FBN2: variants seen among roughly 807,000 people sequenced by gnomAD.
FBN2 encodes the protein fibrillin 2, also known as fibrillin-2.
FBN2 carries 105 observed loss-of-function variants against 355.6 expected under a neutral mutation model. The observed-to-expected ratio is 0.30, with a 90% CI of 0.25 to 0.35. The LOEUF (loss-of-function observed/expected upper bound fraction) is 0.35, where lower values mean the gene tolerates loss of function less well. Among genes scored for constraint, FBN2 ranks in the 10% least tolerant of loss-of-function variants. FBN2 has a pLI of 1.00. For missense variants in FBN2, 3,280 were observed against 3,758.7 expected (o/e 0.87, Z 3.33); for synonymous variants, 1,350 against 1,301.2 (o/e 1.04, Z -0.81).
intron 7 of FBN2, among the ~76,000 whole-genome samples, chr5:128,418,124 AAT>A (rs1753253771): frequency 6.6e-6 from 1 of 152,048 alleles, no homozygotes; most frequent in African/African-American, 2.4e-5. Context: ...ACCTGATTAT[AAT>A]AGTCTTTAAT....
rs564549485 is a variant in FBN2 at position 128,270,709 on chromosome 5, T to C, written c.7960+1290A>G. Among the ~76,000 whole-genome samples, 140 of 152,258 alleles carry C rather than the reference T, an allele frequency of 9.2e-4. 1 individual carries two copies. The highest frequency in any genetic ancestry group is 8.3e-4 in the South Asian group (4 of 4,826). ...CAAAAGAAACTATCATCAGAGTGAA[T>C]AGGCAACCTACAGAATGTTTTACAT... On this transcript the variant is annotated intron_variant, in intron 62 of 64. Coordinates refer to ENST00000262464, the MANE Select transcript of FBN2 (RefSeq NM_001999.4).
chr5:128,284,544 G>A (rs1749083702), intron 55 of FBN2, among the ~76,000 whole-genome samples: 1 of 152,210 alleles, frequency 6.6e-6, no homozygotes. Context: ...GCTACTGGCT[G>A]AAAAATAGTG....
chr5:128,362,613 C>A (rs1304760478), intron 18 of FBN2, among the ~76,000 whole-genome samples: 1 of 152,188 alleles, frequency 6.6e-6, no homozygotes, highest in African/African-American at 2.4e-5. Flanking sequence ...CAGGCATGTG[C>A]CACCACGCCT....
intron 5 of FBN2, among the ~76,000 whole-genome samples, chr5:128,484,717 AC>A (rs1400265821): frequency 6.6e-6 from 1 of 152,182 alleles, no homozygotes; most frequent in Non-Finnish European, 1.5e-5. Context: ...GACTATTTTT[AC>A]CCTCTGTTCA....
intron 23 of FBN2, among the ~76,000 whole-genome samples, chr5:128,346,206 G>A (rs1407359223): frequency 2.6e-5 from 4 of 152,104 alleles, no homozygotes; most frequent in Non-Finnish European, 4.4e-5. Context: ...TCAGTGCTTA[G>A]CCTGTGCTAG....
chr5:128,261,688 C>T, intron 64 of FBN2, 48 bp downstream of exon 64: 1 of 1,583,282 alleles, frequency 6.3e-7, no homozygotes. Context: ...GTATACATGA[C>T]TCCGTAGGGA....
At chr5:128,324,384 TTGA>T (rs1379049858) in intron 34 of FBN2, among the ~76,000 whole-genome samples, 1 of 152,234 alleles carries the variant, frequency 6.6e-6, no homozygotes, top group Non-Finnish European at 1.5e-5. Context: ...TGTTAGCGTG[TTGA>T]TTTTAGATCT....
At chr5:128,493,074 T>C (rs1755555212) in intron 5 of FBN2, among the ~76,000 whole-genome samples, 1 of 152,056 alleles carries the variant, frequency 6.6e-6, no homozygotes, top group South Asian at 2.1e-4. Context: ...CAAAGGCAAA[T>C]AAAACATGAC....
Position 128,395,108 on chromosome 5 carries a change from A to G in FBN2, c.1231+14T>C, listed in dbSNP as rs374431552. On this transcript the variant is annotated intron_variant, in intron 9 of 64. Transcript: ENST00000262464. Reference sequence around the variant, plus strand: ...CAGTGTCTGTGCTGAGGAGACTAACAGCCAGCCACGTACCAGAACCTCTGA... The same window carrying G: ...CAGTGTCTGTGCTGAGGAGACTAACGGCCAGCCACGTACCAGAACCTCTGA... 2.5e-6 allele frequency: 4 copies of G among 1,613,866 alleles called. No individual in the cohort carries two copies. In the African/African-American group the frequency reaches 5.3e-5, roughly 22 times the overall value.
At chr5:128,419,760 T>A (rs947068040) in intron 7 of FBN2, among the ~76,000 whole-genome samples, 1 of 152,190 alleles carries the variant, frequency 6.6e-6, no homozygotes, top group Non-Finnish European at 1.5e-5. Flanking sequence ...TGGCATGATC[T>A]CGGCTCACCA....
chr5:128,451,689 T>C (rs189562841), intron 6 of FBN2, among the ~76,000 whole-genome samples: 24 of 152,292 alleles, frequency 1.6e-4, no homozygotes, highest in African/African-American at 5.5e-4. Flanking sequence ...CATGAGCCAC[T>C]GCGCACAGCC....
At position 128,318,148 on chromosome 5, in the gene FBN2, C is replaced by A; in HGVS notation, c.4717+1G>T. On this transcript the variant is annotated splice_donor_variant, in intron 36 of 64. Transcript: ENST00000262464. LOFTEE classifies it high-confidence loss of function. The stretch of plus-strand genomic sequence containing the variant: ...TGTTTGTTTCATATAGCTTTACTTA[C>A]CAACACAACCCACACCAGTTGGGTT... The A allele has an allele frequency of 6.2e-7, 1 of 1,613,992 alleles. No individual in the cohort carries two copies. Among genetic ancestry groups the A allele is most frequent in the Non-Finnish European group, 8.5e-7 (1 of 1,179,890 alleles).
chr5:128,343,593 T>A (rs1751088539), intron 25 of FBN2, among the ~76,000 whole-genome samples: 1 of 152,104 alleles, frequency 6.6e-6, no homozygotes, highest in South Asian at 2.1e-4. Flanking sequence ...TGGAACAACA[T>A]GGTATACTAA....
At chr5:128,505,906 G>C (rs1269427355) in intron 5 of FBN2, among the ~76,000 whole-genome samples, 1 of 152,086 alleles carries the variant, frequency 6.6e-6, no homozygotes, top group Non-Finnish European at 1.5e-5. Flanking sequence ...TTTGCAGTTT[G>C]GCACTATTAC....
chr5:128,388,475 A>G (rs1752424371), intron 11 of FBN2, among the ~76,000 whole-genome samples: 1 of 152,206 alleles, frequency 6.6e-6, no homozygotes, highest in Non-Finnish European at 1.5e-5. Flanking sequence ...GTGGCTGGTA[A>G]CAGTCTTTCA....
chr5:128,282,318 T>C (rs1765571768), intron 55 of FBN2, among the ~76,000 whole-genome samples: 1 of 152,130 alleles, frequency 6.6e-6, no homozygotes, highest in Non-Finnish European at 1.5e-5. Flanking sequence ...ACAAAAGTAA[T>C]GAGTTATGAA....
intron 64 of FBN2, 79 bp downstream of exon 64, chr5:128,261,657 G>A (rs1037493472): frequency 4.4e-6 from 6 of 1,368,248 alleles, no homozygotes; most frequent in African/African-American, 1.4e-5. Flanking sequence ...CAGTGAGGCT[G>A]AAAACGACGT....
Position 128,274,628 on chromosome 5 carries a change from G to A in FBN2, c.7650C>T (p.Thr2550=), listed in dbSNP as rs140978642. Reference sequence around the variant, plus strand: ...GACATTTACAGGTAAACCCCCCCAGGGTGTTGACACAGAGGAACTGGCAGT... The same window carrying A: ...GACATTTACAGGTAAACCCCCCCAGAGTGTTGACACAGAGGAACTGGCAGT... The part of the protein sequence containing the change: ...QHNCQFLCVN[T]LGGFTCKCPP... Residue 2550 remains threonine, a synonymous_variant, in exon 60 of 65, where the codon ACC becomes ACT. Coordinates refer to ENST00000262464, the MANE Select transcript of FBN2 (RefSeq NM_001999.4). 9.3e-6 allele frequency: 15 copies of A among 1,613,356 alleles called. No individual in the cohort carries two copies. The highest frequency in any genetic ancestry group is 1.3e-5 in the Non-Finnish European group (15 of 1,179,510).
intron 48 of FBN2, among the ~76,000 whole-genome samples, chr5:128,294,718 A>G (rs564386246): frequency 5.8e-4 from 87 of 150,592 alleles, no homozygotes; most frequent in Middle Eastern, 3.4e-3. Flanking sequence ...GTTTGAGTTC[A>G]TTGTAGATTC....
Sources: gnomAD v4.1 joint callset for allele counts (sites outside exome capture counted in the v4.1 genomes callset) on GRCh38, gnomAD v4.1.1 for gene constraint, MANE v1.5 for transcripts, NCBI Gene and HGNC (gene_info 2026-07-23, HGNC 2026-07-21) for gene names.